The following TJP1 variants were observed in gnomAD, a reference collection of about 807,000 sequenced individuals.
TJP1 encodes tight junction protein ZO-1.
A neutral mutation model predicts 194.2 loss-of-function variants in TJP1; 43 were observed. The ratio of observed to expected loss-of-function variants is 0.22; its 90% confidence interval spans 0.17 to 0.29. The LOEUF is 0.29. TJP1 is among the 10% of genes least tolerant of loss of function. The probability of loss-of-function intolerance (pLI) is 1.00; values close to 1 mark genes in which losing one functional copy is unlikely to be tolerated. For missense variants in TJP1, 1,971 were observed against 2,185.7 expected (o/e 0.90, Z 1.96); for synonymous variants, 801 against 779.0 (o/e 1.03, Z -0.47).
intron 2 of TJP1, among the ~76,000 whole-genome samples, chr15:29,856,931 T>A (rs1462919997): frequency 1.3e-5 from 2 of 152,110 alleles, no homozygotes; most frequent in Non-Finnish European, 2.9e-5. Context: ...ATCCCCTAAA[T>A]AATACAATAT....
chr15:29,816,559 A>G (rs533827541), intron 1 of TJP1, among the ~76,000 whole-genome samples: 1 of 152,352 alleles, frequency 6.6e-6, no homozygotes, highest in South Asian at 2.1e-4. Flanking sequence ...AAAAGTTGGC[A>G]GCCAAACTTC....
At chr15:29,739,895 A>G (rs753064942) in intron 10 of TJP1, among the ~76,000 whole-genome samples, 1 of 152,252 alleles carries the variant, frequency 6.6e-6, no homozygotes, top group Non-Finnish European at 1.5e-5. Context: ...TTAAAATTGT[A>G]CAGTTTTAAA....
intron 2 of TJP1, among the ~76,000 whole-genome samples, chr15:29,843,297 T>G (rs2051295998): frequency 6.6e-6 from 1 of 152,112 alleles, no homozygotes; most frequent in Admixed American, 6.5e-5. Context: ...CAAGCGATTT[T>G]CCTGACTCAG....
At chr15:29,722,689 T>TA (rs1183940947) in intron 18 of TJP1, among the ~76,000 whole-genome samples, 2 of 152,012 alleles carry the variant, frequency 1.3e-5, no homozygotes, top group African/African-American at 2.4e-5. Context: ...CTCCAGACCT[T>TA]AGAGAGGTAG....
intron 2 of TJP1, among the ~76,000 whole-genome samples, chr15:29,784,151 A>G (rs942678747): frequency 1.3e-5 from 2 of 152,210 alleles, no homozygotes; most frequent in Non-Finnish European, 2.9e-5. Flanking sequence ...CTTCGCTGAT[A>G]CTATTTTTGA....
chr15:29,781,385 A>C (rs2151730112), intron 2 of TJP1, among the ~76,000 whole-genome samples: 1 of 152,322 alleles, frequency 6.6e-6, no homozygotes, highest in African/African-American at 2.4e-5. Flanking sequence ...GCTGCTCTAC[A>C]TGTACAAACA....
intron 1 of TJP1, among the ~76,000 whole-genome samples, chr15:29,803,484 T>C (rs933096076): frequency 3.9e-5 from 6 of 152,142 alleles, no homozygotes; most frequent in Non-Finnish European, 5.9e-5. Flanking sequence ...CTTATGATAC[T>C]GGGTAGGTTG....
intron 8 of TJP1, among the ~76,000 whole-genome samples, chr15:29,748,820 T>C (rs947740908): frequency 1.3e-5 from 2 of 152,046 alleles, no homozygotes; most frequent in Non-Finnish European, 2.9e-5. Flanking sequence ...GTTATCCTCC[T>C]ACTTCGGCTT....
chr15:29,935,703 A>T (rs2054860587), intron 2 of TJP1, among the ~76,000 whole-genome samples: 1 of 152,098 alleles, frequency 6.6e-6, no homozygotes, highest in African/African-American at 2.4e-5. Context: ...GTGTTGCACA[A>T]GAGGTCCCCT....
At chr15:29,884,696 C>T (rs2053055766) in intron 2 of TJP1, among the ~76,000 whole-genome samples, 1 of 152,196 alleles carries the variant, frequency 6.6e-6, no homozygotes, top group Admixed American at 6.5e-5. Context: ...TGAATGCCTG[C>T]ACTACCTAAG....
chr15:29,863,890 A>G (rs1053008328), intron 2 of TJP1, among the ~76,000 whole-genome samples: 5 of 152,050 alleles, frequency 3.3e-5, no homozygotes, highest in Non-Finnish European at 7.4e-5. Flanking sequence ...AAAAGTACAT[A>G]GTCTTTTAAA....
intron 23 of TJP1, among the ~76,000 whole-genome samples, chr15:29,716,227 C>T (rs185608049): frequency 6.6e-6 from 1 of 152,244 alleles, no homozygotes; most frequent in African/African-American, 2.4e-5. Context: ...CAGTATTTCC[C>T]TCAAACAGGA....
At chr15:29,871,191 T>C (rs1394522349) in intron 2 of TJP1, among the ~76,000 whole-genome samples, 2 of 152,196 alleles carry the variant, frequency 1.3e-5, no homozygotes, top group Non-Finnish European at 2.9e-5. Context: ...TTTAACCAAC[T>C]TTTGGGATAT....
intron 2 of TJP1, among the ~76,000 whole-genome samples, chr15:29,873,543 T>A (rs1214905248): frequency 6.6e-6 from 1 of 152,226 alleles, no homozygotes; most frequent in African/African-American, 2.4e-5. Context: ...AAAACAGAAA[T>A]GTTAAGAAAA....
At chr15:29,882,034 A>T (rs115743749) in intron 2 of TJP1, among the ~76,000 whole-genome samples, 2,213 of 152,054 alleles carry the variant, frequency 0.015, 52 homozygotes, top group African/African-American at 0.051. Flanking sequence ...TTTCTGTGGT[A>T]TTTTATAACA....
At chr15:29,735,620 A>T (rs1378519483) in intron 11 of TJP1, among the ~76,000 whole-genome samples, 1 of 151,820 alleles carries the variant, frequency 6.6e-6, no homozygotes, top group African/African-American at 2.4e-5. Flanking sequence ...AGAAACGTTT[A>T]AAAAAATGTA....
intron 4 of TJP1, among the ~76,000 whole-genome samples, chr15:29,771,510 A>T (rs1005647481): frequency 1.3e-5 from 2 of 152,200 alleles, no homozygotes; most frequent in South Asian, 2.1e-4. Flanking sequence ...TAAGCCAAAA[A>T]GAGGTAACTA....
Position 29,801,887 on chromosome 15 carries a change from T to TA in TJP1, c.28-1186dup, listed in dbSNP as rs150014635. Among the ~76,000 whole-genome samples, 324 of 147,624 alleles carry TA rather than the reference T, an allele frequency of 2.2e-3. 2 individuals are homozygous for TA. Among genetic ancestry groups the TA allele is most frequent in the African/African-American group, 7.1e-3 (286 of 40,182 alleles). ...TAACACTAATGAAAGCTGATGAGCTTAAAAAAAAAATTACAAAAAAAAAAA... is the reference window on the plus strand; with the variant it reads ...TAACACTAATGAAAGCTGATGAGCTTAAAAAAAAAAATTACAAAAAAAAAAA... On this transcript the variant is annotated intron_variant, in intron 1 of 27. Coordinates refer to ENST00000614355, the MANE Select transcript of TJP1 (RefSeq NM_001330239.4).
intron 8 of TJP1, among the ~76,000 whole-genome samples, chr15:29,755,406 A>G (rs147356833): frequency 6.6e-6 from 1 of 152,320 alleles, no homozygotes; most frequent in African/African-American, 2.4e-5. Flanking sequence ...GATTGTATAG[A>G]TAAGAGGTTT....
Sources: gnomAD v4.1 joint callset for allele counts (sites outside exome capture counted in the v4.1 genomes callset) on GRCh38, gnomAD v4.1.1 for gene constraint, MANE v1.5 for transcripts, NCBI Gene and HGNC (gene_info 2026-07-23, HGNC 2026-07-21) for gene names.